LRP1B: variants seen among roughly 807,000 people sequenced by gnomAD.
The protein encoded by LRP1B is LDL receptor related protein 1B, also known as low-density lipoprotein receptor-related protein 1B.
In LRP1B, 217 loss-of-function variants were observed where a neutral mutation model predicts 556.6. That is an observed-to-expected ratio of 0.39 (90% CI 0.35 to 0.44). The LOEUF is 0.44. LRP1B is among the 20% of genes least tolerant of loss of function. LRP1B has a pLI of 1.00. For synonymous variants in LRP1B, 2,047 were observed against 1,865.8 expected (o/e 1.10, Z -2.50); for missense variants, 5,053 against 5,620.8 (o/e 0.90, Z 3.23).
chr2:141,930,808 T>C (rs933199378), intron 1 of LRP1B, among the ~76,000 whole-genome samples: 9 of 152,184 alleles, frequency 5.9e-5, no homozygotes, highest in Middle Eastern at 3.4e-3. Flanking sequence ...GAAAATTGAC[T>C]TACTGAATGT....
chr2:140,420,603 C>T (rs1291342153), intron 66 of LRP1B, among the ~76,000 whole-genome samples: 1 of 152,140 alleles, frequency 6.6e-6, no homozygotes, highest in Non-Finnish European at 1.5e-5. Flanking sequence ...CTTAAATAAA[C>T]TCAAATGATC....
At chr2:140,291,070 T>A (rs191078788) in intron 84 of LRP1B, among the ~76,000 whole-genome samples, 1 of 151,764 alleles carries the variant, frequency 6.6e-6, no homozygotes, top group Non-Finnish European at 1.5e-5. Flanking sequence ...TAATGTGTCA[T>A]AGCAACGTCT....
chr2:141,864,294 C>T lies in LRP1B; in HGVS notation c.83-53893G>A, dbSNP rs1456414529. 3.9e-5 allele frequency among the ~76,000 whole-genome samples: 6 copies of T among 152,268 alleles called. No homozygotes were observed. In the East Asian group the frequency reaches 1.2e-3, roughly 29 times the overall value. On this transcript the variant is annotated intron_variant, in intron 1 of 90. Coordinates refer to ENST00000389484, the MANE Select transcript of LRP1B (RefSeq NM_018557.3). ...CTAATAAATACAAAAGTTCATGCAA[C>T]AATGGAAACTACTTTTAATTTCCTT...
rs753432554 is a variant in LRP1B, at chr2:140,358,864, C to G, written c.11214G>C (p.Gly3738=). 6.2e-7 allele frequency: 1 copy of G among 1,609,350 alleles called. No homozygotes were observed. The highest frequency in any genetic ancestry group is 8.5e-7 in the Non-Finnish European group (1 of 1,176,474). ...CTGAATTGTCACCGCATTCATCAAT[C>G]CCATTGCACATTTGCTCCGACTGTA... The part of the protein sequence containing the change: ...ICLQSEQMCN[G]IDECGDNSDE... Residue 3738 remains glycine (G), a synonymous_variant, in exon 73 of 91, where the codon GGG becomes GGC. Coordinates refer to ENST00000389484, the MANE Select transcript of LRP1B (RefSeq NM_018557.3).
chr2:140,408,876 G>T (rs1288145384), intron 66 of LRP1B, among the ~76,000 whole-genome samples: 1 of 151,844 alleles, frequency 6.6e-6, no homozygotes, highest in Non-Finnish European at 1.5e-5. Flanking sequence ...TTGAGACCAG[G>T]GTAGCTGAGT....
At chr2:141,487,636 T>G (rs1683170431) in intron 2 of LRP1B, among the ~76,000 whole-genome samples, 1 of 152,186 alleles carries the variant, frequency 6.6e-6, no homozygotes, top group African/African-American at 2.4e-5. Context: ...CTTCATTCAC[T>G]GTCATCTTTC....
chr2:142,034,541 T>C (rs2105203248), intron 1 of LRP1B, among the ~76,000 whole-genome samples: 1 of 151,842 alleles, frequency 6.6e-6, no homozygotes, highest in Admixed American at 6.6e-5. Context: ...CAATTGGAAG[T>C]ACTATTCTTT....
At chr2:140,682,714 TGAAA>T (rs941315013) in intron 41 of LRP1B, among the ~76,000 whole-genome samples, 12 of 144,112 alleles carry the variant, frequency 8.3e-5, no homozygotes, top group African/African-American at 3.3e-4. Flanking sequence ...ACCTTGTAGG[TGAAA>T]GAAAGAGCTA....
chr2:140,904,135 T>G (rs1331725053), intron 22 of LRP1B, among the ~76,000 whole-genome samples: 2 of 152,078 alleles, frequency 1.3e-5, no homozygotes, highest in African/African-American at 4.8e-5. Context: ...TTAAAAATAT[T>G]TGATGAATTT....
intron 60 of LRP1B, among the ~76,000 whole-genome samples, chr2:140,468,809 C>T (rs941296716): frequency 3.9e-5 from 6 of 152,224 alleles, no homozygotes; most frequent in South Asian, 2.1e-4. Flanking sequence ...TAATGTTTTC[C>T]GTTTTGGTTT....
At chr2:140,341,276 T>C (rs1558814640) in intron 77 of LRP1B, among the ~76,000 whole-genome samples, 1 of 151,738 alleles carries the variant, frequency 6.6e-6, no homozygotes, top group South Asian at 2.1e-4. Flanking sequence ...AGCTTCATTA[T>C]AATTTTCTAG....
chr2:140,667,721 G>T (rs966179641), intron 41 of LRP1B, among the ~76,000 whole-genome samples: 2 of 151,932 alleles, frequency 1.3e-5, no homozygotes, highest in Non-Finnish European at 2.9e-5. Flanking sequence ...TTTTCTCTTT[G>T]TCTGAGTCTC....
chr2:140,247,465 T>G (rs1681216875), intron 86 of LRP1B, among the ~76,000 whole-genome samples: 1 of 151,584 alleles, frequency 6.6e-6, no homozygotes, highest in Non-Finnish European at 1.5e-5. Context: ...TGGAAATTGA[T>G]TTGAGAGTTA....
intron 7 of LRP1B, among the ~76,000 whole-genome samples, chr2:141,184,604 T>TAA (rs76876173): frequency 7.0e-5 from 10 of 143,038 alleles, no homozygotes; most frequent in Admixed American, 1.4e-4. Flanking sequence ...AATGTTACAT[T>TAA]AAAAAAAAAA....
In LRP1B at chr2:141,513,801, A is replaced by C. The variant is rs1684212233; in HGVS notation, c.206-33268T>G. Among the ~76,000 whole-genome samples, 3 of 152,178 alleles carry C rather than the reference A, an allele frequency of 2.0e-5. No homozygotes were observed. In the South Asian group the frequency reaches 6.2e-4, roughly 32 times the overall value. On this transcript the variant is annotated intron_variant, in intron 2 of 90. Transcript: ENST00000389484. ...CTTTCAGGGAAGGATCTCAGTTCAC[A>C]AAGTAAAGGCTCTTCTAATTTAGAC...
At chr2:141,278,502 T>A (rs1330337192) in intron 3 of LRP1B, among the ~76,000 whole-genome samples, 2 of 152,170 alleles carry the variant, frequency 1.3e-5, no homozygotes, top group East Asian at 3.8e-4. Flanking sequence ...TAACTACATG[T>A]ACTGGGTCAC....
At chr2:141,949,009 G>C (rs1701033831) in intron 1 of LRP1B, among the ~76,000 whole-genome samples, 1 of 152,106 alleles carries the variant, frequency 6.6e-6, no homozygotes, top group Admixed American at 6.6e-5. Flanking sequence ...AGCTCTAAAA[G>C]CTAGGTATTT....
intron 2 of LRP1B, among the ~76,000 whole-genome samples, chr2:141,508,531 A>T (rs1352154234): frequency 1.3e-5 from 2 of 152,312 alleles, no homozygotes; most frequent in Admixed American, 6.5e-5. Flanking sequence ...GCTGCTTCAA[A>T]TCTACATAGC....
chr2:141,263,715 A>G (rs112070865), intron 3 of LRP1B, among the ~76,000 whole-genome samples: 3 of 152,270 alleles, frequency 2.0e-5, no homozygotes, highest in African/African-American at 4.8e-5. Flanking sequence ...AAAATATAGA[A>G]CAACATTCCT....
Sources: allele counts gnomAD v4.1 joint callset (sites outside exome capture counted in the v4.1 genomes callset), GRCh38; gene constraint gnomAD v4.1.1; transcripts MANE v1.5; gene names NCBI Gene and HGNC (gene_info 2026-07-23, HGNC 2026-07-21).